The following ZNG1B variants were observed in gnomAD, a reference collection of about 807,000 sequenced individuals.
ZNG1B encodes the protein Zn regulated GTPase metalloprotein activator 1B.
At chr2:113,448,653 T>G in the ZNG1B span, among the ~76,000 whole-genome samples, 1 of 151,878 alleles carries the variant, frequency 6.6e-6, no homozygotes, top group Non-Finnish European at 1.5e-5. Context: ...GCCTGTAATC[T>G]CAGCACTTTG....
At chr2:113,440,153 G>C in the ZNG1B span, among the ~76,000 whole-genome samples, 1 of 151,808 alleles carries the variant, frequency 6.6e-6, no homozygotes, top group Non-Finnish European at 1.5e-5. Context: ...CAAAGTGCTG[G>C]GATTACAGGC....
the ZNG1B span, among the ~76,000 whole-genome samples, chr2:113,487,155 A>G: frequency 6.6e-6 from 1 of 152,238 alleles, no homozygotes; most frequent in African/African-American, 2.4e-5. Flanking sequence ...TGTCACACAA[A>G]TACTTACCAT....
chr2:113,472,007 G>A, the ZNG1B span, among the ~76,000 whole-genome samples: 1 of 151,412 alleles, frequency 6.6e-6, no homozygotes, highest in Non-Finnish European at 1.5e-5. Context: ...CCAGTAATGG[G>A]ATGGCTGGGT....
the ZNG1B span, among the ~76,000 whole-genome samples, chr2:113,492,281 A>G: frequency 5.7e-5 from 8 of 139,844 alleles, 1 homozygote; most frequent in African/African-American, 2.1e-4. Flanking sequence ...ACTGTGATAT[A>G]TATATACATA....
the ZNG1B span, among the ~76,000 whole-genome samples, chr2:113,453,524 A>G: frequency 1.3e-5 from 2 of 151,330 alleles, no homozygotes; most frequent in Non-Finnish European, 2.9e-5. Context: ...AAGTGCTGGG[A>G]TTACAGGCGT....
chr2:113,479,569 G>C, the ZNG1B span, among the ~76,000 whole-genome samples: 2 of 152,146 alleles, frequency 1.3e-5, no homozygotes, highest in South Asian at 4.1e-4. Context: ...ATAACCAGAA[G>C]TCTAGCCCAT....
chr2:113,452,812 T>C, the ZNG1B span, among the ~76,000 whole-genome samples: 1 of 134,262 alleles, frequency 7.4e-6, no homozygotes, highest in African/African-American at 2.9e-5. Context: ...CACAAAGCCA[T>C]ACTGCTCAAA....
the ZNG1B span, among the ~76,000 whole-genome samples, chr2:113,443,590 C>T: frequency 1.5e-5 from 2 of 136,272 alleles, no homozygotes; most frequent in Non-Finnish European, 3.1e-5. Context: ...TAAATAAAAG[C>T]TAACATAATG....
the ZNG1B span, chr2:113,457,232 C>T: frequency 2.3e-6 from 1 of 435,526 alleles, no homozygotes; most frequent in African/African-American, 2.0e-5. Flanking sequence ...TTCTTGGTTC[C>T]TCTGTTATAT....
the ZNG1B span, among the ~76,000 whole-genome samples, chr2:113,476,830 G>GGGGGTCA: frequency 1.3e-5 from 2 of 152,330 alleles, no homozygotes; most frequent in South Asian, 4.1e-4. Context: ...TAGGCTGCTC[G>GGGGGTCA]GGGGTCAGGG....
chr2:113,450,488 G>T, the ZNG1B span, among the ~76,000 whole-genome samples: 4 of 149,642 alleles, frequency 2.7e-5, no homozygotes, highest in South Asian at 6.4e-4. Context: ...CACTACAAAC[G>T]CATTTTCATC....
At chr2:113,462,717 A>G in the ZNG1B span, 2 of 556,830 alleles carry the variant, frequency 3.6e-6, no homozygotes, top group South Asian at 2.7e-5. Flanking sequence ...TAATAGACTG[A>G]TATTCAGGGT....
the ZNG1B span, chr2:113,481,834 T>C: frequency 4.9e-6 from 1 of 204,080 alleles, no homozygotes; most frequent in Admixed American, 5.3e-5. Context: ...AATACTAGAA[T>C]GGTTATATAT....
chr2:113,469,814 G>T, the ZNG1B span: 3 of 147,598 alleles, frequency 2.0e-5, no homozygotes, highest in African/African-American at 7.6e-5. Context: ...ATATGTTTGT[G>T]CATTAAAGAA....
At chr2:113,456,954 A>G in the ZNG1B span, 1 of 449,972 alleles carries the variant, frequency 2.2e-6, no homozygotes, top group South Asian at 1.6e-5. Context: ...GAGAAATGGT[A>G]CCCTGTGGCC....
At chr2:113,472,625 C>T in the ZNG1B span, among the ~76,000 whole-genome samples, 13 of 151,988 alleles carry the variant, frequency 8.6e-5, no homozygotes, top group Admixed American at 2.0e-4. Flanking sequence ...TTAGGTTGAA[C>T]GTTTAAGTCT....
chr2:113,478,101 C>T, the ZNG1B span, among the ~76,000 whole-genome samples: 1 of 152,016 alleles, frequency 6.6e-6, no homozygotes, highest in African/African-American at 2.4e-5. Flanking sequence ...TTGGCTATTG[C>T]AAATAATGCT....
chr2:113,473,111 C>A, the ZNG1B span, among the ~76,000 whole-genome samples: 5 of 150,026 alleles, frequency 3.3e-5, no homozygotes, highest in African/African-American at 9.8e-5. Context: ...ATTCTTCCTA[C>A]CCATGAGCAT....
the ZNG1B span, chr2:113,441,412 G>A: frequency 9.0e-5 from 145 of 1,603,820 alleles, no homozygotes; most frequent in African/African-American, 1.5e-3. Flanking sequence ...AAAGAGTAGC[G>A]GTCATTTTAA....
Sources: allele counts gnomAD v4.1 joint callset (sites outside exome capture counted in the v4.1 genomes callset), GRCh38; gene constraint gnomAD v4.1.1; transcripts MANE v1.5; gene names NCBI Gene and HGNC (gene_info 2026-07-23, HGNC 2026-07-21).